Variants in SNTG1 observed in about 807,000 individuals in gnomAD.
SNTG1 encodes the protein syntrophin gamma 1.
Under a neutral mutation model 74.7 loss-of-function variants are expected in SNTG1, and 39 were observed. That is an observed-to-expected ratio of 0.52 (90% CI 0.40 to 0.68). The LOEUF (loss-of-function observed/expected upper bound fraction) is 0.68, where lower values mean the gene tolerates loss of function less well. Among genes scored for constraint, SNTG1 ranks in the 30% least tolerant of loss-of-function variants. The probability of loss-of-function intolerance (pLI) is 0.00; values close to 1 mark genes in which losing one functional copy is unlikely to be tolerated. For synonymous variants in SNTG1, 254 were observed against 217.1 expected (o/e 1.17, Z -1.49); for missense variants, 685 against 609.5 (o/e 1.12, Z -1.30).
chr8:50,117,759 T>A (rs564280404), intron 1 of SNTG1, among the ~76,000 whole-genome samples: 1 of 152,326 alleles, frequency 6.6e-6, no homozygotes, highest in African/African-American at 2.4e-5. Context: ...GATAAGCATG[T>A]ACTAGCAACT....
chr8:50,363,696 A>C (rs921169579), intron 2 of SNTG1, among the ~76,000 whole-genome samples: 4 of 152,106 alleles, frequency 2.6e-5, no homozygotes, highest in Non-Finnish European at 4.4e-5. Context: ...GAGGACTTGC[A>C]AGTTATATGC....
At chr8:50,558,089 A>G (rs1262787259) in intron 12 of SNTG1, among the ~76,000 whole-genome samples, 1 of 152,128 alleles carries the variant, frequency 6.6e-6, no homozygotes, top group Admixed American at 6.6e-5. Flanking sequence ...ACTGATGCAC[A>G]TTTCCTCATG....
At chr8:50,337,961 C>A (rs188918342) in intron 2 of SNTG1, among the ~76,000 whole-genome samples, 1 of 152,020 alleles carries the variant, frequency 6.6e-6, no homozygotes, top group Admixed American at 6.5e-5. Context: ...ACGGTGAAAC[C>A]CCGTCTCTAC....
intron 11 of SNTG1, among the ~76,000 whole-genome samples, chr8:50,544,690 A>T (rs536640469): frequency 6.6e-6 from 1 of 152,178 alleles, no homozygotes; most frequent in South Asian, 2.1e-4. Flanking sequence ...AATACACATG[A>T]CAGCAATAAG....
intron 2 of SNTG1, among the ~76,000 whole-genome samples, chr8:50,327,704 T>G (rs2090805271): frequency 6.6e-6 from 1 of 152,176 alleles, no homozygotes; most frequent in Non-Finnish European, 1.5e-5. Flanking sequence ...TATTGTTATT[T>G]CTATTCATTG....
At chr8:50,266,688 A>G (rs1415635623) in intron 2 of SNTG1, among the ~76,000 whole-genome samples, 3 of 127,730 alleles carry the variant, frequency 2.3e-5, no homozygotes, top group African/African-American at 8.2e-5. Context: ...GTGTGTGTAT[A>G]TATATATATA....
chr8:50,478,951 T>A lies in SNTG1; in HGVS notation c.364-23827T>A, dbSNP rs79027686. Among the ~76,000 whole-genome samples, 258 of 152,306 alleles carry A rather than the reference T, an allele frequency of 1.7e-3. 1 individual carries two copies. Among genetic ancestry groups the A allele is most frequent in the African/African-American group, 6.0e-3 (250 of 41,574 alleles). On this transcript the variant is annotated intron_variant, in intron 8 of 18. Transcript: ENST00000642720. ...TACTTTTTCCTGTAACAAAAGGTAA[T>A]ATTTATTAAGTAAATACAAACTTCC... is the stretch of plus-strand genomic sequence containing the variant.
At chr8:50,468,514 A>T (rs1400587886) in intron 8 of SNTG1, among the ~76,000 whole-genome samples, 2 of 152,086 alleles carry the variant, frequency 1.3e-5, no homozygotes, top group African/African-American at 4.8e-5. Context: ...TCTTTACCTT[A>T]AACCTATAGG....
chr8:50,672,525 T>C (rs2095289211), intron 15 of SNTG1, among the ~76,000 whole-genome samples: 1 of 33,508 alleles, frequency 3.0e-5, no homozygotes, highest in Non-Finnish European at 5.2e-5. Context: ...CACTTTTTGA[T>C]GGGGTTGTTT....
intron 1 of SNTG1, among the ~76,000 whole-genome samples, chr8:50,013,800 T>G (rs927833538): frequency 1.3e-5 from 2 of 152,130 alleles, no homozygotes; most frequent in Non-Finnish European, 2.9e-5. Context: ...AAGGAATATA[T>G]AAGCATAATC....
chr8:50,064,811 G>A (rs1230757341), intron 1 of SNTG1, among the ~76,000 whole-genome samples: 4 of 152,082 alleles, frequency 2.6e-5, no homozygotes, highest in Non-Finnish European at 5.9e-5. Context: ...GCTTCTCAAG[G>A]AGCTGACTCT....
intron 1 of SNTG1, among the ~76,000 whole-genome samples, chr8:49,989,355 C>T (rs577973007): frequency 1.7e-4 from 26 of 151,792 alleles, no homozygotes; most frequent in East Asian, 3.9e-4. Context: ...TTAAATGCAA[C>T]GAATTAACTC....
intron 1 of SNTG1, among the ~76,000 whole-genome samples, chr8:50,144,389 G>C (rs2081780975): frequency 6.6e-6 from 1 of 152,178 alleles, no homozygotes; most frequent in Non-Finnish European, 1.5e-5. Flanking sequence ...GTGAGTATGA[G>C]GTCCAGCATA....
intron 8 of SNTG1, among the ~76,000 whole-genome samples, chr8:50,460,043 A>G (rs187364129): frequency 2.7e-3 from 406 of 152,304 alleles, no homozygotes; most frequent in Non-Finnish European, 4.5e-3. Context: ...GGGAATGCTG[A>G]GCCAAATGGT....
chr8:50,719,255 G>C (rs769440458), intron 17 of SNTG1, among the ~76,000 whole-genome samples: 1 of 152,246 alleles, frequency 6.6e-6, no homozygotes, highest in South Asian at 2.1e-4. Flanking sequence ...AGAGCCTTTC[G>C]GGAGGTGATT....
chr8:50,133,610 T>TCCTGGCC (rs1391432474), intron 1 of SNTG1, among the ~76,000 whole-genome samples: 2 of 152,152 alleles, frequency 1.3e-5, no homozygotes, highest in African/African-American at 4.8e-5. Flanking sequence ...AGAAGCTGCC[T>TCCTGGCC]CCTGGCCCCT....
At chr8:50,617,766 A>G (rs889054242) in intron 13 of SNTG1, among the ~76,000 whole-genome samples, 1 of 152,186 alleles carries the variant, frequency 6.6e-6, no homozygotes, top group Admixed American at 6.5e-5. Context: ...CAGTAATTAG[A>G]TCGGAACAAA....
chr8:50,778,084 T>G (rs1057371058), intron 18 of SNTG1, among the ~76,000 whole-genome samples: 3 of 152,232 alleles, frequency 2.0e-5, no homozygotes, highest in African/African-American at 7.2e-5. Flanking sequence ...TGCCACATTT[T>G]CTTAATCGAG....
intron 13 of SNTG1, among the ~76,000 whole-genome samples, chr8:50,606,804 T>G (rs1266756236): frequency 6.6e-6 from 1 of 151,910 alleles, no homozygotes; most frequent in East Asian, 1.9e-4. Flanking sequence ...TTAAATGCCT[T>G]TTCTGTGACT....
Sources: allele counts gnomAD v4.1 joint callset (sites outside exome capture counted in the v4.1 genomes callset), GRCh38; gene constraint gnomAD v4.1.1; transcripts MANE v1.5; gene names NCBI Gene and HGNC (gene_info 2026-07-23, HGNC 2026-07-21).